The following STXBP6 variants were observed in gnomAD, a reference collection of about 807,000 sequenced individuals.
STXBP6 encodes the protein syntaxin-binding protein 6.
Under a neutral mutation model 26.9 loss-of-function variants are expected in STXBP6, and 21 were observed. The observed-to-expected ratio is 0.78, with a 90% confidence interval of 0.55 to 1.12. The LOEUF (loss-of-function observed/expected upper bound fraction) is 1.12, where lower values mean the gene tolerates loss of function less well. STXBP6 is among the 50% of genes most tolerant of loss of function. The pLI, the probability that STXBP6 is intolerant of heterozygous loss-of-function variation, is 0.00. For missense variants in STXBP6, 232 were observed against 257.9 expected (o/e 0.90, Z 0.69); for synonymous variants, 97 against 92.6 (o/e 1.05, Z -0.27).
chr14:24,838,608 C>T (rs750045372), intron 4 of STXBP6, among the ~76,000 whole-genome samples: 27 of 151,736 alleles, frequency 1.8e-4, no homozygotes, highest in Non-Finnish European at 3.4e-4. Context: ...CGCTTGAACT[C>T]GGGAGATGGA....
intron 5 of STXBP6, chr14:24,816,735 T>G (rs1211980314): frequency 1.3e-5 from 2 of 152,012 alleles, no homozygotes; most frequent in East Asian, 3.9e-4. Context: ...CTGATCTGTG[T>G]TTAGATAGTA....
intron 2 of STXBP6, among the ~76,000 whole-genome samples, chr14:24,884,739 TATA>T (rs1207361364): frequency 6.6e-6 from 1 of 150,494 alleles, no homozygotes; most frequent in Non-Finnish European, 1.5e-5. Context: ...CATATGGATC[TATA>T]ATGTTTATGA....
chr14:25,015,640 G>C (rs757925578), intron 1 of STXBP6, among the ~76,000 whole-genome samples: 3 of 152,052 alleles, frequency 2.0e-5, no homozygotes, highest in Non-Finnish European at 4.4e-5. Context: ...AAGAATATGT[G>C]CACCAATGAC....
intron 4 of STXBP6, among the ~76,000 whole-genome samples, chr14:24,832,258 C>T (rs1224588902): frequency 6.6e-6 from 1 of 151,764 alleles, no homozygotes; most frequent in Non-Finnish European, 1.5e-5. Context: ...TAGACATTGT[C>T]ATCAAGGGCA....
intron 1 of STXBP6, among the ~76,000 whole-genome samples, chr14:25,036,719 G>T (rs920411557): frequency 6.6e-6 from 1 of 151,968 alleles, no homozygotes; most frequent in African/African-American, 2.4e-5. Flanking sequence ...AGCCGGGCGT[G>T]GTGGCAGGCG....
chr14:25,034,703 T>C (rs1469705630), intron 1 of STXBP6, among the ~76,000 whole-genome samples: 1 of 152,146 alleles, frequency 6.6e-6, no homozygotes, highest in Admixed American at 6.5e-5. Context: ...TTAAAAGAGT[T>C]GAAAGAATCC....
At chr14:24,906,613 G>T (rs2139680855) in intron 2 of STXBP6, among the ~76,000 whole-genome samples, 1 of 152,260 alleles carries the variant, frequency 6.6e-6, no homozygotes, top group Admixed American at 6.5e-5. Flanking sequence ...TCTAACCTGA[G>T]AATGCGACAT....
chr14:24,979,423 A>T (rs1023232775), intron 1 of STXBP6, among the ~76,000 whole-genome samples: 1 of 152,170 alleles, frequency 6.6e-6, no homozygotes, highest in African/African-American at 2.4e-5. Context: ...ACCCTGGAAG[A>T]CTCTGGGGGG....
At chr14:24,964,275 T>C (rs2073654395) in intron 2 of STXBP6, among the ~76,000 whole-genome samples, 1 of 152,166 alleles carries the variant, frequency 6.6e-6, no homozygotes, top group South Asian at 2.1e-4. Context: ...CAATGCTAAG[T>C]GCTATTACAG....
intron 2 of STXBP6, among the ~76,000 whole-genome samples, chr14:24,917,341 G>A (rs1357192565): frequency 6.6e-6 from 1 of 152,062 alleles, no homozygotes; most frequent in Admixed American, 6.6e-5. Context: ...GGCAACGCAC[G>A]TGGGGACAGA....
chr14:24,925,761 G>T (rs1049866999), intron 2 of STXBP6, among the ~76,000 whole-genome samples: 1 of 152,114 alleles, frequency 6.6e-6, no homozygotes, highest in Non-Finnish European at 1.5e-5. Context: ...GGTTTTTAAA[G>T]TATTTTATAA....
At chr14:24,844,841 C>T (rs748017946) in intron 4 of STXBP6, among the ~76,000 whole-genome samples, 9 of 152,116 alleles carry the variant, frequency 5.9e-5, no homozygotes, top group Non-Finnish European at 1.0e-4. Flanking sequence ...TTGACCTTGA[C>T]ATCTTTTATT....
intron 2 of STXBP6, among the ~76,000 whole-genome samples, chr14:24,927,232 G>A (rs558742844): frequency 6.6e-6 from 1 of 152,246 alleles, no homozygotes; most frequent in South Asian, 2.1e-4. Flanking sequence ...GCTTCTCCGT[G>A]GTATTCCACA....
intron 5 of STXBP6, among the ~76,000 whole-genome samples, chr14:24,814,312 C>T (rs932228158): frequency 1.3e-5 from 2 of 152,246 alleles, no homozygotes; most frequent in African/African-American, 2.4e-5. Context: ...CATCACTCTA[C>T]GGCCTCTACT....
chr14:24,985,147 G>C (rs1055827115), intron 1 of STXBP6, among the ~76,000 whole-genome samples: 4 of 152,328 alleles, frequency 2.6e-5, no homozygotes, highest in Middle Eastern at 6.8e-3. Flanking sequence ...TATCATGCTG[G>C]TTCGTTGGCA....
intron 1 of STXBP6, among the ~76,000 whole-genome samples, chr14:25,023,799 C>T (rs2075300766): frequency 6.6e-6 from 1 of 151,814 alleles, no homozygotes; most frequent in African/African-American, 2.4e-5. Context: ...CAATGGAATG[C>T]AACAAAAAAC....
chr14:24,995,822 A>G (rs538739229), intron 1 of STXBP6, among the ~76,000 whole-genome samples: 1 of 152,274 alleles, frequency 6.6e-6, no homozygotes, highest in East Asian at 1.9e-4. Context: ...GGACTAGTCT[A>G]ATTCAATGTC....
intron 4 of STXBP6, among the ~76,000 whole-genome samples, chr14:24,835,820 A>G (rs1214497811): frequency 1.3e-5 from 2 of 152,178 alleles, no homozygotes. Flanking sequence ...CCATAGTGCC[A>G]TTTTCCTTTT....
At chr14:24,859,943 C>G (rs553840862) in intron 2 of STXBP6, among the ~76,000 whole-genome samples, 1 of 152,304 alleles carries the variant, frequency 6.6e-6, no homozygotes, top group African/African-American at 2.4e-5. Context: ...GGCCGCTTTG[C>G]TATTAGCTCT....
Sources: gnomAD v4.1 joint callset for allele counts (sites outside exome capture counted in the v4.1 genomes callset) on GRCh38, gnomAD v4.1.1 for gene constraint, MANE v1.5 for transcripts, NCBI Gene and HGNC (gene_info 2026-07-23, HGNC 2026-07-21) for gene names.